RABGAP1: variants seen among roughly 807,000 people sequenced by gnomAD.
RABGAP1 encodes rab GTPase-activating protein 1.
In RABGAP1, 23 loss-of-function variants were observed where a neutral mutation model predicts 137.6. The observed-to-expected ratio is 0.17, with a 90% CI of 0.12 to 0.24. The LOEUF (loss-of-function observed/expected upper bound fraction) is 0.24. Ranked by LOEUF, RABGAP1 falls within the 10% of genes least tolerant of loss-of-function variation. The pLI is 1.00. For missense variants in RABGAP1, 906 were observed against 1,275.8 expected (o/e 0.71, Z 4.42); for synonymous variants, 451 against 450.7 (o/e 1.00, Z -0.01).
chr9:122,954,788 G>A (rs940779106), intron 1 of RABGAP1, among the ~76,000 whole-genome samples: 1 of 152,156 alleles, frequency 6.6e-6, no homozygotes, highest in Non-Finnish European at 1.5e-5. Flanking sequence ...ATAATCGAGT[G>A]GAAAGAGTAT....
intron 1 of RABGAP1, among the ~76,000 whole-genome samples, chr9:122,953,563 A>T (rs1834363367): frequency 6.6e-6 from 1 of 152,096 alleles, no homozygotes; most frequent in South Asian, 2.1e-4. Flanking sequence ...CACCATGCCC[A>T]GCTAATTTTT....
At chr9:123,061,385 G>A (rs1240444867) in intron 13 of RABGAP1, among the ~76,000 whole-genome samples, 1 of 152,222 alleles carries the variant, frequency 6.6e-6, no homozygotes, top group African/African-American at 2.4e-5. Flanking sequence ...AAAGTGCTAG[G>A]ATTACAGGCA....
chr9:122,996,616 A>T lies in RABGAP1; in HGVS notation c.1101+11A>T, dbSNP rs1052108175. 5 of 1,580,524 alleles carry T rather than the reference A, an allele frequency of 3.2e-6. No homozygotes were observed. The highest frequency in any genetic ancestry group is 2.7e-5 in the African/African-American group (2 of 73,854). On this transcript the variant is annotated intron_variant, in intron 8 of 25. Coordinates refer to ENST00000373647, the MANE Select transcript of RABGAP1 (RefSeq NM_012197.4). The stretch of plus-strand genomic sequence containing the variant: ...CACTTATTAGATTTGGTAAGAATTT[A>T]TTTTTATTAGAAAGTTACATACTAT...
In RABGAP1 at chr9:122,984,557, G is replaced by T; in HGVS notation, c.223G>T (p.Asp75Tyr). ...TGTACTGATGGATCCTCCAATGGAC[G>T]ACCAGCCAGGGGAAAAGGAGCTTGT... ...ADVLMDPPMD[D>Y]QPGEKELVKR... Residue 75 changes from aspartate to tyrosine, a missense_variant, in exon 3 of 26, where the codon GAC (aspartate) becomes TAC (tyrosine). Physicochemically the swap from Asp to Tyr is radical, Grantham distance 160. Around this residue, in one of 9 missense-constraint regions of RABGAP1, gnomAD observed 331 missense variants for 358.3 expected, o/e 0.92. Coordinates refer to ENST00000373647, the MANE Select transcript of RABGAP1 (RefSeq NM_012197.4). 1 of 1,614,118 alleles carries T rather than the reference G, an allele frequency of 6.2e-7. No homozygotes were observed. Among genetic ancestry groups the T allele is most frequent in the South Asian group, 1.1e-5 (1 of 91,050 alleles).
chr9:123,036,715 T>A (rs955954822), intron 13 of RABGAP1, among the ~76,000 whole-genome samples: 2 of 152,128 alleles, frequency 1.3e-5, no homozygotes, highest in African/African-American at 4.8e-5. Flanking sequence ...CAGTTAGTGC[T>A]AAGGAATCCA....
intron 13 of RABGAP1, among the ~76,000 whole-genome samples, chr9:123,022,466 G>A (rs1666879359): frequency 6.6e-6 from 1 of 151,600 alleles, no homozygotes; most frequent in Non-Finnish European, 1.5e-5. Flanking sequence ...CAGTGCAGTG[G>A]TACGATCTCG....
intron 6 of RABGAP1, among the ~76,000 whole-genome samples, chr9:122,991,063 TATAATG>T (rs1836699583): frequency 1.3e-5 from 2 of 151,688 alleles, no homozygotes; most frequent in South Asian, 4.2e-4. Flanking sequence ...AATTTTTAAA[TATAATG>T]ATAATCCTTT....
At chr9:122,996,808 A>G (rs557412323) in intron 8 of RABGAP1, among the ~76,000 whole-genome samples, 1 of 152,324 alleles carries the variant, frequency 6.6e-6, no homozygotes, top group East Asian at 1.9e-4. Context: ...TGGTCTGTTA[A>G]CTGTGTGGTG....
At position 123,018,848 on chromosome 9, in the gene RABGAP1, G is replaced by A. The variant is rs181297194; in HGVS notation, c.1644-1461G>A. Among the ~76,000 whole-genome samples the A allele has an allele frequency of 4.3e-3, 656 of 152,202 alleles. 13 individuals carry two copies. The highest frequency in any genetic ancestry group is 5.0e-3 in the Non-Finnish European group (337 of 68,012). On this transcript the variant is annotated intron_variant, in intron 12 of 25. Coordinates refer to ENST00000373647, the MANE Select transcript of RABGAP1 (RefSeq NM_012197.4). ...TTTTGTATCAGTAACTTCTGCTTACGTCTGATAGCCACAGCATCTTCTTAA... is the reference window on the plus strand; with the variant it reads ...TTTTGTATCAGTAACTTCTGCTTACATCTGATAGCCACAGCATCTTCTTAA...
intron 1 of RABGAP1, among the ~76,000 whole-genome samples, chr9:122,944,527 T>C (rs1226622091): frequency 6.7e-6 from 1 of 149,254 alleles, no homozygotes; most frequent in Non-Finnish European, 1.5e-5. Context: ...TGTTTGTTTC[T>C]TTTTTTTTTC....
At chr9:123,073,979 G>A (rs1275263239) in intron 16 of RABGAP1, among the ~76,000 whole-genome samples, 2 of 152,110 alleles carry the variant, frequency 1.3e-5, no homozygotes, top group East Asian at 3.9e-4. Context: ...TGACTGGTTA[G>A]GAATCTCATA....
At chr9:122,981,399 C>T (rs1836048371) in intron 2 of RABGAP1, among the ~76,000 whole-genome samples, 1 of 152,124 alleles carries the variant, frequency 6.6e-6, no homozygotes, top group Non-Finnish European at 1.5e-5. Context: ...TGACAGATGC[C>T]ATGCTGTGTA....
intron 13 of RABGAP1, among the ~76,000 whole-genome samples, chr9:123,027,704 T>C (rs2032060048): frequency 6.6e-6 from 1 of 152,220 alleles, no homozygotes; most frequent in Non-Finnish European, 1.5e-5. Context: ...TCATTTCCTC[T>C]TCTCTGAACT....
intron 10 of RABGAP1, among the ~76,000 whole-genome samples, chr9:123,007,841 T>G (rs2030435929): frequency 6.7e-6 from 1 of 149,708 alleles, no homozygotes; most frequent in Non-Finnish European, 1.5e-5. Context: ...CTGCTTTTAA[T>G]TATTTTATAT....
chr9:122,931,676 C>T, the RABGAP1 span, among the ~76,000 whole-genome samples: 3 of 152,220 alleles, frequency 2.0e-5, no homozygotes, highest in Non-Finnish European at 4.4e-5. Flanking sequence ...GGGGCGCAGA[C>T]GGAGGGCACC....
chr9:122,972,453 T>A (rs1485614816), intron 2 of RABGAP1, among the ~76,000 whole-genome samples: 1 of 152,184 alleles, frequency 6.6e-6, no homozygotes, highest in Non-Finnish European at 1.5e-5. Context: ...TCCTTCCATG[T>A]AGTCGCTCGT....
chr9:123,048,151 C>G (rs2033302774), intron 13 of RABGAP1, among the ~76,000 whole-genome samples: 1 of 151,892 alleles, frequency 6.6e-6, no homozygotes. Context: ...GTTGGCCAGG[C>G]TGGTCTCGAA....
intron 21 of RABGAP1, 101 bp from the exon 22 acceptor site, chr9:123,097,640 C>CA (rs2035222685): frequency 2.1e-6 from 2 of 975,308 alleles, no homozygotes; most frequent in Non-Finnish European, 3.1e-6. Flanking sequence ...CTCTCTGAAT[C>CA]AGAGTTTCCC....
At chr9:122,985,021 TAAAG>T (rs1247121293) in intron 3 of RABGAP1, among the ~76,000 whole-genome samples, 14 of 150,616 alleles carry the variant, frequency 9.3e-5, no homozygotes, top group African/African-American at 2.0e-4. Context: ...ATTTTTCAAA[TAAAG>T]AAGGAATATG....
Sources: allele counts gnomAD v4.1 joint callset (sites outside exome capture counted in the v4.1 genomes callset), GRCh38; gene constraint gnomAD v4.1.1; regional missense constraint gnomAD v4.1.1; transcripts MANE v1.5; gene names NCBI Gene and HGNC (gene_info 2026-07-23, HGNC 2026-07-21).